SLC9A9: variants seen among roughly 807,000 people sequenced by gnomAD.
SLC9A9 encodes solute carrier family 9 member A9, also known as sodium/hydrogen exchanger 9.
In SLC9A9, 62 loss-of-function variants were observed where a neutral mutation model predicts 77.8. The observed-to-expected ratio is 0.80, with a 90% CI of 0.65 to 0.98. The LOEUF (loss-of-function observed/expected upper bound fraction) is 0.98. Ranked by LOEUF, SLC9A9 falls within the 50% of genes least tolerant of loss-of-function variation. The probability of loss-of-function intolerance (pLI) is 0.00; values close to 1 mark genes in which losing one functional copy is unlikely to be tolerated. For missense variants in SLC9A9, 775 were observed against 774.9 expected (o/e 1.00, Z 0.00); for synonymous variants, 320 against 283.5 (o/e 1.13, Z -1.29).
intron 11 of SLC9A9, among the ~76,000 whole-genome samples, chr3:143,481,459 C>G (rs777340099): frequency 6.6e-6 from 1 of 152,084 alleles, no homozygotes; most frequent in Non-Finnish European, 1.5e-5. Flanking sequence ...ACAAGAAATT[C>G]AATAACTAGA....
chr3:143,572,845 G>A (rs998139051), intron 8 of SLC9A9, among the ~76,000 whole-genome samples: 1 of 152,184 alleles, frequency 6.6e-6, no homozygotes, highest in Non-Finnish European at 1.5e-5. Flanking sequence ...ATTTGCCATG[G>A]CATTCACAGG....
chr3:143,377,087 A>G (rs1050376102), intron 13 of SLC9A9, among the ~76,000 whole-genome samples: 1 of 152,168 alleles, frequency 6.6e-6, no homozygotes, highest in African/African-American at 2.4e-5. Flanking sequence ...AACATTTGAA[A>G]ATATTCACAA....
intron 14 of SLC9A9, among the ~76,000 whole-genome samples, chr3:143,356,984 C>T (rs1166284071): frequency 6.6e-6 from 1 of 152,156 alleles, no homozygotes; most frequent in Non-Finnish European, 1.5e-5. Flanking sequence ...GGAGTGATGG[C>T]TGCATTGCAG....
At chr3:143,792,638 T>C (rs2008258027) in intron 4 of SLC9A9, among the ~76,000 whole-genome samples, 1 of 152,164 alleles carries the variant, frequency 6.6e-6, no homozygotes, top group African/African-American at 2.4e-5. Flanking sequence ...TACTCCTTGG[T>C]GCCTTGTGAG....
intron 5 of SLC9A9, among the ~76,000 whole-genome samples, chr3:143,657,711 C>A (rs557340961): frequency 6.6e-6 from 1 of 151,944 alleles, no homozygotes; most frequent in African/African-American, 2.4e-5. Context: ...TGAAACAATG[C>A]CACTTTTCTA....
At chr3:143,720,644 C>G (rs1284425880) in intron 4 of SLC9A9, among the ~76,000 whole-genome samples, 1 of 152,098 alleles carries the variant, frequency 6.6e-6, no homozygotes, top group Non-Finnish European at 1.5e-5. Context: ...TTGCAAAGAG[C>G]CAGTATCCCT....
intron 14 of SLC9A9, among the ~76,000 whole-genome samples, chr3:143,328,315 A>C (rs992251213): frequency 1.3e-5 from 2 of 152,254 alleles, no homozygotes; most frequent in African/African-American, 4.8e-5. Flanking sequence ...GAACTGCTCC[A>C]AAATGTAAGG....
At chr3:143,714,660 C>T (rs1465841575) in intron 4 of SLC9A9, among the ~76,000 whole-genome samples, 3 of 152,204 alleles carry the variant, frequency 2.0e-5, no homozygotes, top group African/African-American at 7.2e-5. Flanking sequence ...GTTATGCCCT[C>T]CAAGATCCAT....
chr3:143,363,666 AC>A, intron 13 of SLC9A9, 103 bp from the exon 14 acceptor site: 1 of 1,098,452 alleles, frequency 9.1e-7, no homozygotes. Context: ...TTTAAAAAAA[AC>A]CTTTCTAAGT....
intron 7 of SLC9A9, among the ~76,000 whole-genome samples, chr3:143,576,824 G>A (rs889263840): frequency 6.6e-6 from 1 of 152,124 alleles, no homozygotes; most frequent in Non-Finnish European, 1.5e-5. Flanking sequence ...TAAGTACTGG[G>A]TAGGTCATTT....
At chr3:143,313,980 C>A (rs773819848) in intron 14 of SLC9A9, among the ~76,000 whole-genome samples, 1 of 152,194 alleles carries the variant, frequency 6.6e-6, no homozygotes, top group Non-Finnish European at 1.5e-5. Flanking sequence ...TGTGGGACTG[C>A]GGATGTGAGG....
At chr3:143,844,773 CTTTCT>C (rs1195749450) in intron 1 of SLC9A9, among the ~76,000 whole-genome samples, 10 of 143,476 alleles carry the variant, frequency 7.0e-5, no homozygotes, top group African/African-American at 1.6e-4. Flanking sequence ...TTCTTTCTTT[CTTTCT>C]TTCTTTCTTT....
chr3:143,538,227 T>C (rs7642430), intron 9 of SLC9A9, among the ~76,000 whole-genome samples: 19,039 of 152,176 alleles, frequency 0.13, 1,251 homozygotes, highest in East Asian at 0.15. Context: ...CAGACTATAT[T>C]TTTTCCCTGG....
chr3:143,312,574 C>T (rs1180711372), intron 14 of SLC9A9, among the ~76,000 whole-genome samples: 1 of 152,202 alleles, frequency 6.6e-6, no homozygotes, highest in African/African-American at 2.4e-5. Context: ...GCTTTTCTTT[C>T]TAGTAGCTGA....
intron 4 of SLC9A9, among the ~76,000 whole-genome samples, chr3:143,731,666 G>A (rs1934806433): frequency 1.3e-5 from 2 of 152,314 alleles, no homozygotes; most frequent in Middle Eastern, 3.4e-3. Context: ...ATGTGACAAA[G>A]TGACTCTTGC....
chr3:143,488,653 A>T (rs1341815578), intron 11 of SLC9A9, among the ~76,000 whole-genome samples: 1 of 152,006 alleles, frequency 6.6e-6, no homozygotes, highest in African/African-American at 2.4e-5. Context: ...AAAGTACATG[A>T]TCACCTCAAT....
chr3:143,404,553 C>G (rs371610007), intron 12 of SLC9A9, among the ~76,000 whole-genome samples: 2 of 152,258 alleles, frequency 1.3e-5, no homozygotes, highest in African/African-American at 4.8e-5. Flanking sequence ...TCTGTGCCCC[C>G]TCAAAAGCAG....
chr3:143,276,137 G>C (rs1053589020), intron 14 of SLC9A9, among the ~76,000 whole-genome samples: 5 of 152,112 alleles, frequency 3.3e-5, no homozygotes, highest in African/African-American at 1.2e-4. Context: ...AGCCCATGTG[G>C]ATCCATTTTG....
In SLC9A9 at chr3:143,445,724, A is replaced by G. The variant is rs540273934; in HGVS notation, c.1469+21313T>C. ...GATATTAGGACTAGTTCCTGCAGCA[A>G]AAACTGGCATATACACTAGCCAATA... On this transcript the variant is annotated intron_variant, in intron 12 of 15. Coordinates refer to ENST00000316549, the MANE Select transcript of SLC9A9 (RefSeq NM_173653.4). Among the ~76,000 whole-genome samples the G allele has an allele frequency of 3.3e-5, 5 of 152,354 alleles. No individual in the cohort carries two copies. The South Asian group carries it at 1.0e-3, about 32-fold the overall frequency.
Sources: allele counts gnomAD v4.1 joint callset (sites outside exome capture counted in the v4.1 genomes callset), GRCh38; gene constraint gnomAD v4.1.1; transcripts MANE v1.5; gene names NCBI Gene and HGNC (gene_info 2026-07-23, HGNC 2026-07-21).